Variants in SCAF11 observed in about 807,000 individuals in gnomAD.
SCAF11 encodes the protein protein SCAF11.
Under a neutral mutation model 140.5 loss-of-function variants are expected in SCAF11, and 47 were observed. The ratio of observed to expected loss-of-function variants is 0.33; its 90% CI spans 0.26 to 0.43. The LOEUF (loss-of-function observed/expected upper bound fraction) is 0.43, where lower values mean the gene tolerates loss of function less well. Ranked by LOEUF, SCAF11 falls within the 20% of genes least tolerant of loss-of-function variation. The pLI, the probability that SCAF11 is intolerant of heterozygous loss-of-function variation, is 1.00. For synonymous variants in SCAF11, 557 were observed against 579.4 expected (o/e 0.96, Z 0.55); for missense variants, 1,645 against 1,705.1 (o/e 0.96, Z 0.62).
intron 1 of SCAF11, among the ~76,000 whole-genome samples, chr12:45,971,473 C>G (rs1177292988): frequency 6.6e-6 from 1 of 152,080 alleles, no homozygotes; most frequent in African/African-American, 2.4e-5. Context: ...AGAGAAGACA[C>G]CAGAATCTGA....
intron 6 of SCAF11, among the ~76,000 whole-genome samples, chr12:45,940,771 T>C (rs1296761529): frequency 2.0e-5 from 3 of 152,208 alleles, no homozygotes; most frequent in South Asian, 4.1e-4. Flanking sequence ...TTGTGTCTAC[T>C]TGCATAGCAA....
upstream of SCAF11, among the ~76,000 whole-genome samples, chr12:45,991,717 T>G (rs1306264476): frequency 6.6e-6 from 1 of 152,212 alleles, no homozygotes; most frequent in Non-Finnish European, 1.5e-5. Context: ...AGTCACTGAT[T>G]ATTTAACCTC....
intron 8 of SCAF11, among the ~76,000 whole-genome samples, chr12:45,933,850 G>C (rs763145108): frequency 6.6e-6 from 1 of 152,058 alleles, no homozygotes; most frequent in Non-Finnish European, 1.5e-5. Flanking sequence ...AGCTGTAAAA[G>C]GGTTCTTCTT....
At chr12:45,944,944 T>A in intron 6 of SCAF11, 1 of 317,810 alleles carries the variant, frequency 3.1e-6, no homozygotes, top group African/African-American at 2.2e-5. Context: ...CCCAAGGACT[T>A]CTGCACTAAT....
intron 3 of SCAF11, chr12:45,961,211 C>A: frequency 1.5e-6 from 1 of 663,888 alleles, no homozygotes; most frequent in Non-Finnish European, 2.8e-6. Context: ...AGTCATAGAA[C>A]ATAAAATCCA....
At position 45,961,722 on chromosome 12, in the gene SCAF11, G is replaced by A; in HGVS notation, c.197C>T (p.Thr66Ile). Reference sequence around the variant, plus strand: ...TACCTCTGCCCATTTAAGAATACAAGTCATACAGAAGACATGATTACAGCT... The same window carrying A: ...TACCTCTGCCCATTTAAGAATACAAATCATACAGAAGACATGATTACAGCT... Reference protein sequence around the residue: ...PESCNHVFCMTCILKWAETLA... With the variant: ...PESCNHVFCMICILKWAETLA... The change falls in exon 3 of 15, where the codon ACT becomes ATT. Residue 66 changes from threonine (T) to isoleucine (I), a missense_variant. By Grantham distance (89) the Thr-to-Ile change is moderately conservative. Around this residue, in one of 2 missense-constraint regions of SCAF11, gnomAD observed 1,582 missense variants for 1,609.2 expected, o/e 0.98. Coordinates refer to ENST00000369367, the MANE Select transcript of SCAF11 (RefSeq NM_004719.3). 1.2e-6 allele frequency: 2 copies of A among 1,611,992 alleles called. No individual in the cohort carries two copies. Among genetic ancestry groups the A allele is most frequent in the Non-Finnish European group, 1.7e-6 (2 of 1,178,998 alleles).
In SCAF11 at chr12:45,990,392, C is replaced by T; in HGVS notation, c.-61G>A. The T allele has an allele frequency of 8.1e-7, 1 of 1,232,596 alleles. No homozygotes were observed. Among genetic ancestry groups the T allele is most frequent in the Non-Finnish European group, 1.0e-6 (1 of 988,716 alleles). The allele number at this position is 1,232,596 out of a possible 1,614,324, so 76.4% of individuals were successfully genotyped here. ...GAGGCGCTCGGTCCGGCCGCGGCCC[C>T]ACAGTAGGTTCCCAGGTCCCAGTCA... On this transcript the variant is annotated 5_prime_UTR_variant, in exon 1 of 15. Transcript: ENST00000369367.
At chr12:45,949,551 G>T (rs1299435137) in intron 4 of SCAF11, among the ~76,000 whole-genome samples, 1 of 151,968 alleles carries the variant, frequency 6.6e-6, no homozygotes, top group Non-Finnish European at 1.5e-5. Flanking sequence ...GAAAGAATAG[G>T]GGTCTACAAA....
At chr12:45,974,139 G>A (rs1340235275) in intron 1 of SCAF11, 2 of 469,684 alleles carry the variant, frequency 4.3e-6, no homozygotes, top group Admixed American at 2.4e-5. Flanking sequence ...AGTCCATGAA[G>A]TGTGCAACAG....
chr12:45,987,448 GTGACAAATAC>G (rs1946482477), intron 1 of SCAF11, among the ~76,000 whole-genome samples: 1 of 152,166 alleles, frequency 6.6e-6, no homozygotes, highest in Middle Eastern at 3.2e-3. Context: ...AGGTGTTTAG[GTGACAAATAC>G]TGACAAATGC....
intron 10 of SCAF11, 43 bp downstream of exon 10, chr12:45,931,463 T>C (rs748890162): frequency 1.9e-6 from 2 of 1,027,494 alleles, no homozygotes; most frequent in Non-Finnish European, 2.7e-6. Context: ...AAGAAACTAA[T>C]AATAATAATT....
intron 1 of SCAF11, among the ~76,000 whole-genome samples, chr12:45,964,949 A>T (rs1945909988): frequency 1.3e-5 from 2 of 149,150 alleles, no homozygotes; most frequent in African/African-American, 5.2e-5. Flanking sequence ...GTGTGTGTCT[A>T]CTAAGGAGAC....
chr12:45,939,506 A>C lies in SCAF11; in HGVS notation c.464-5001T>G, dbSNP rs373135727. The stretch of plus-strand genomic sequence containing the variant: ...AGGTCAGGAGTTTGAGACCAGCCTG[A>C]CCAACATGGTGAAATTCCCCTGTCT... On this transcript the variant is annotated intron_variant, in intron 6 of 14. Transcript: ENST00000369367. Among the ~76,000 whole-genome samples the C allele has an allele frequency of 2.3e-3, 347 of 152,092 alleles. 12 individuals carry two copies. In the South Asian group the frequency reaches 0.068, roughly 30 times the overall value.
Position 45,948,531 on chromosome 12 carries a change from C to T in SCAF11, c.304G>A (p.Val102Ile). 6.2e-7 allele frequency: 1 copy of T among 1,604,058 alleles called. No individual in the cohort carries two copies. Among genetic ancestry groups the T allele is most frequent in the Non-Finnish European group, 8.5e-7 (1 of 1,174,324 alleles). Residue 102 changes from valine to isoleucine, a missense_variant, in exon 5 of 15, where the codon GTA (valine) becomes ATA (isoleucine). Physicochemically the swap from Val to Ile is conservative, Grantham distance 29. Around this residue, in one of 2 missense-constraint regions of SCAF11, gnomAD observed 1,582 missense variants for 1,609.2 expected, o/e 0.98. Transcript: ENST00000369367. ...SALEGYVKVQ[V>I]KKQLRETKDK... ...TTTGTTTCTCTCAGCTGTTTTTTTA[C>T]TTGAACCTATGAGAAAAGCAAAATC...
In SCAF11 at chr12:45,927,885, T is replaced by A; in HGVS notation, c.1816A>T (p.Ile606Leu). The change falls in exon 11 of 15, where the codon ATA (isoleucine) becomes TTA (leucine). Residue 606 changes from isoleucine (I) to leucine (L), a missense_variant. Coordinates refer to ENST00000369367, the MANE Select transcript of SCAF11 (RefSeq NM_004719.3). ...KDFTLKTEEL[I>L]ESPKLESSEG... ...GAAGATTCTAACTTGGGGCTCTCTA[T>A]AAGCTCCTCTGTTTTTAGTGTAAAA... 1.2e-6 allele frequency: 2 copies of A among 1,613,044 alleles called. No individual in the cohort carries two copies. Among genetic ancestry groups the A allele is most frequent in the Non-Finnish European group, 1.7e-6 (2 of 1,179,798 alleles).
intron 3 of SCAF11, chr12:45,955,355 C>A (rs1592199259): frequency 6.6e-6 from 1 of 152,236 alleles, no homozygotes; most frequent in Non-Finnish European, 1.5e-5. Flanking sequence ...TGCCATGTTG[C>A]CCAGGCTGGT....
chr12:45,978,466 T>C (rs1030700847), intron 1 of SCAF11, among the ~76,000 whole-genome samples: 1 of 152,204 alleles, frequency 6.6e-6, no homozygotes, highest in Non-Finnish European at 1.5e-5. Flanking sequence ...AGTTTACACG[T>C]AGAAAACTAA....
At chr12:45,972,913 T>G (rs1406680493) in intron 1 of SCAF11, among the ~76,000 whole-genome samples, 3 of 90,482 alleles carry the variant, frequency 3.3e-5, no homozygotes, top group Non-Finnish European at 6.4e-5. Context: ...TATATAGATA[T>G]ATATATAGAT....
intron 6 of SCAF11, among the ~76,000 whole-genome samples, chr12:45,940,123 C>T (rs1945263128): frequency 6.6e-6 from 1 of 151,876 alleles, no homozygotes; most frequent in Admixed American, 6.6e-5. Context: ...GTCTAAGAAA[C>T]CTCATAAGAA....
Sources: gnomAD v4.1 joint callset for allele counts (sites outside exome capture counted in the v4.1 genomes callset) on GRCh38, gnomAD v4.1.1 for gene constraint, gnomAD v4.1.1 regional missense constraint, MANE v1.5 for transcripts, NCBI Gene and HGNC (gene_info 2026-07-23, HGNC 2026-07-21) for gene names.